Variants in TNNI3K observed in about 807,000 individuals in gnomAD.
TNNI3K encodes the protein TNNI3 interacting kinase.
TNNI3K carries 140 observed loss-of-function variants against 114.5 expected under a neutral mutation model. The ratio of observed to expected loss-of-function variants is 1.22; its 90% CI spans 1.07 to 1.41. TNNI3K has a LOEUF of 1.41. TNNI3K is among the 40% of genes most tolerant of loss of function. The probability of loss-of-function intolerance (pLI) is 0.00; values close to 1 mark genes in which losing one functional copy is unlikely to be tolerated. For missense variants in TNNI3K, 1,125 were observed against 1,007.6 expected (o/e 1.12, Z -1.58); for synonymous variants, 347 against 347.5 (o/e 1.00, Z 0.02).
At chr1:74,290,180 C>A (rs1429064477) in intron 5 of TNNI3K, among the ~76,000 whole-genome samples, 3 of 148,214 alleles carry the variant, frequency 2.0e-5, no homozygotes, top group African/African-American at 7.4e-5. Flanking sequence ...AGAATTAATT[C>A]TTTGCTTAAT....
intron 9 of TNNI3K, among the ~76,000 whole-genome samples, chr1:74,350,147 G>A (rs1481754606): frequency 6.6e-6 from 1 of 152,042 alleles, no homozygotes; most frequent in East Asian, 1.9e-4. Flanking sequence ...CTTTGAATGT[G>A]TCCCAGAGAT....
At chr1:74,410,385 C>T (rs889669246) in intron 17 of TNNI3K, among the ~76,000 whole-genome samples, 3 of 152,180 alleles carry the variant, frequency 2.0e-5, no homozygotes, top group African/African-American at 4.8e-5. Flanking sequence ...CATTTTCTAA[C>T]TCTGATTCTT....
intron 5 of TNNI3K, among the ~76,000 whole-genome samples, chr1:74,287,724 G>T (rs2100275348): frequency 6.6e-6 from 1 of 152,194 alleles, no homozygotes; most frequent in Non-Finnish European, 1.5e-5. Flanking sequence ...AGCAAAAAGA[G>T]ATTAACAGGA....
At chr1:74,336,469 T>C (rs1405276514) in intron 7 of TNNI3K, among the ~76,000 whole-genome samples, 2 of 151,716 alleles carry the variant, frequency 1.3e-5, no homozygotes, top group Non-Finnish European at 2.9e-5. Flanking sequence ...CATCTAGCAT[T>C]AAGTATATCT....
chr1:74,412,455 G>A (rs1570589587), intron 17 of TNNI3K, among the ~76,000 whole-genome samples: 1 of 152,290 alleles, frequency 6.6e-6, no homozygotes, highest in East Asian at 1.9e-4. Context: ...CTATTACCAT[G>A]TGAGAAGCCC....
intron 7 of TNNI3K, among the ~76,000 whole-genome samples, 180 bp from the exon 8 acceptor site, chr1:74,342,662 C>A (rs1319675055): frequency 6.6e-6 from 1 of 152,058 alleles, no homozygotes; most frequent in Non-Finnish European, 1.5e-5. Flanking sequence ...TGGTAGTAGG[C>A]AATAGAATAA....
intron 16 of TNNI3K, 47 bp downstream of exon 16, chr1:74,369,632 T>G (rs533882878): frequency 6.6e-7 from 1 of 1,518,068 alleles, no homozygotes; most frequent in East Asian, 2.3e-5. Context: ...CCGTAGAAAC[T>G]ACTCTTGCAA....
intron 7 of TNNI3K, among the ~76,000 whole-genome samples, chr1:74,342,420 A>T (rs1031613705): frequency 6.6e-6 from 1 of 151,924 alleles, no homozygotes; most frequent in African/African-American, 2.4e-5. Flanking sequence ...GTGGGGCCCC[A>T]CTCTAACCTA....
intron 20 of TNNI3K, among the ~76,000 whole-genome samples, chr1:74,441,905 G>A (rs1012821909): frequency 6.6e-6 from 1 of 152,038 alleles, no homozygotes; most frequent in Non-Finnish European, 1.5e-5. Context: ...CCTGTAATCT[G>A]TGGCTTGCCT....
intron 5 of TNNI3K, among the ~76,000 whole-genome samples, chr1:74,297,056 C>T (rs1658031484): frequency 6.6e-6 from 1 of 151,708 alleles, no homozygotes; most frequent in African/African-American, 2.4e-5. Context: ...GCTTTATGTG[C>T]CATTCTCTCT....
At chr1:74,316,643 T>C (rs1659319554) in intron 5 of TNNI3K, among the ~76,000 whole-genome samples, 1 of 151,992 alleles carries the variant, frequency 6.6e-6, no homozygotes, top group East Asian at 1.9e-4. Flanking sequence ...GCTCTGATAC[T>C]GTCTAATTGC....
intron 23 of TNNI3K, among the ~76,000 whole-genome samples, chr1:74,521,226 T>C (rs45476298): frequency 4.5e-4 from 68 of 152,298 alleles, no homozygotes; most frequent in Non-Finnish European, 6.0e-4. Flanking sequence ...GGGTTCACAT[T>C]GTGGCACTGC....
rs942803781 is a variant in TNNI3K, at chr1:74,364,285, A to C, written c.1178-2971A>C. Among the ~76,000 whole-genome samples the C allele has an allele frequency of 9.2e-5, 14 of 151,856 alleles. 1 individual carries two copies. Among genetic ancestry groups the C allele is most frequent in the African/African-American group, 3.1e-4 (13 of 41,292 alleles). ...CCCACAAAACACTGGGGTATGAGTC[A>C]AGACACTCAGCCAAATTTTAATTCC... is the stretch of plus-strand genomic sequence containing the variant. On this transcript the variant is annotated intron_variant, in intron 11 of 24. Transcript: ENST00000326637.
intron 20 of TNNI3K, among the ~76,000 whole-genome samples, chr1:74,452,621 T>C (rs1667074159): frequency 6.6e-6 from 1 of 152,196 alleles, no homozygotes; most frequent in African/African-American, 2.4e-5. Context: ...CTTATCATCT[T>C]TTTTCCACCA....
chr1:74,504,579 G>A (rs1669795041), intron 23 of TNNI3K, among the ~76,000 whole-genome samples: 1 of 152,056 alleles, frequency 6.6e-6, no homozygotes, highest in Non-Finnish European at 1.5e-5. Context: ...TGATGAAAAT[G>A]GAAAATTAAT....
At chr1:74,310,968 C>T (rs1658959214) in intron 5 of TNNI3K, among the ~76,000 whole-genome samples, 1 of 152,144 alleles carries the variant, frequency 6.6e-6, no homozygotes, top group Admixed American at 6.6e-5. Context: ...CCTCTCAGTA[C>T]TTACAGACAA....
chr1:74,539,061 A>G (rs1282638498), intron 23 of TNNI3K, among the ~76,000 whole-genome samples: 2 of 152,218 alleles, frequency 1.3e-5, no homozygotes, highest in African/African-American at 2.4e-5. Flanking sequence ...CTATATAGAG[A>G]CAGAAGTGAA....
chr1:74,490,050 TAAAAAAAAAAAAAAAAA>T (rs36063099), intron 22 of TNNI3K, among the ~76,000 whole-genome samples: 1 of 42,892 alleles, frequency 2.3e-5, no homozygotes, highest in South Asian at 9.2e-4. Flanking sequence ...TTTTTTTTTC[TAAAAAAAAAAAAAAAAA>T]AAAAAAAAAC....
rs45539037 is a variant in TNNI3K at position 74,425,381 on chromosome 1, G to A, written c.1773-10699G>A. Among the ~76,000 whole-genome samples, 327 of 152,116 alleles carry A rather than the reference G, an allele frequency of 2.1e-3. 1 individual carries two copies. The highest frequency in any genetic ancestry group is 7.5e-3 in the African/African-American group (310 of 41,516). ...ATTTTCCTGGAGTAACACTAAAAGG[G>A]AAAAATTAAGGTTTTAAGTCTCAGC... On this transcript the variant is annotated intron_variant, in intron 17 of 24. Coordinates refer to ENST00000326637, the MANE Select transcript of TNNI3K (RefSeq NM_015978.3).
Sources: allele counts gnomAD v4.1 joint callset (sites outside exome capture counted in the v4.1 genomes callset), GRCh38; gene constraint gnomAD v4.1.1; transcripts MANE v1.5; gene names NCBI Gene and HGNC (gene_info 2026-07-23, HGNC 2026-07-21).